KIAA0930: variants seen among roughly 807,000 people sequenced by gnomAD.
The protein encoded by KIAA0930 is uncharacterized protein KIAA0930.
A neutral mutation model predicts 43.9 loss-of-function variants in KIAA0930; 24 were observed. The observed-to-expected ratio is 0.55, with a 90% CI of 0.40 to 0.77. The LOEUF is 0.77. KIAA0930 is among the 30% of genes least tolerant of loss of function. The probability of loss-of-function intolerance (pLI) is 0.00; values close to 1 mark genes in which losing one functional copy is unlikely to be tolerated. For synonymous variants in KIAA0930, 259 were observed against 216.4 expected (o/e 1.20, Z -1.73); for missense variants, 461 against 574.2 (o/e 0.80, Z 2.02).
chr22:45,197,131 C>T lies in KIAA0930; in HGVS notation c.*45G>A, dbSNP rs1232238469. The T allele has an allele frequency of 1.1e-5, 16 of 1,503,654 alleles. No individual in the cohort carries two copies. Among genetic ancestry groups the T allele is most frequent in the East Asian group, 2.6e-5 (1 of 38,986 alleles). 93.1% of individuals were successfully genotyped at this position (1,503,654 alleles called of 1,614,324 possible). ...GACAGGTAGGCACTTGGCAGCACTC[C>T]GAGGGCTGGGCCCGGCCGGGGCTCT... On this transcript the variant is annotated 3_prime_UTR_variant, in exon 10 of 10. Coordinates refer to ENST00000336156, the MANE Select transcript of KIAA0930 (RefSeq NM_001009880.2).
In KIAA0930 at chr22:45,192,609, G is replaced by C. The variant is rs543856154; in HGVS notation, c.*4567C>G. On this transcript the variant is annotated 3_prime_UTR_variant, in exon 10 of 10. Coordinates refer to ENST00000336156, the MANE Select transcript of KIAA0930 (RefSeq NM_001009880.2). The stretch of plus-strand genomic sequence containing the variant: ...CCTAAACTGCCTGGCCTTCCAGAGC[G>C]GGGACTAAAGGGGCAGGGCGGGGAA... The C allele has an allele frequency of 6.6e-6, 1 of 152,226 alleles. No individual in the cohort carries two copies. The highest frequency in any genetic ancestry group is 2.4e-5 in the African/African-American group (1 of 41,454). The allele number at this position is 152,226 out of a possible 1,614,324, so 9.4% of individuals were successfully genotyped here.
intron 2 of KIAA0930, among the ~76,000 whole-genome samples, chr22:45,211,623 G>A (rs916359938): frequency 7.9e-5 from 12 of 152,174 alleles, no homozygotes; most frequent in Non-Finnish European, 1.3e-4. Flanking sequence ...TCTGGAGTCC[G>A]ACCTTTGCTC....
intron 2 of KIAA0930, chr22:45,211,458 C>G: frequency 5.0e-6 from 2 of 400,940 alleles, no homozygotes; most frequent in Non-Finnish European, 8.8e-6. Context: ...GAACACCCAC[C>G]CTGTCGAGTT....
At chr22:45,205,767 G>T in intron 3 of KIAA0930, 26 bp downstream of exon 3, 1 of 1,579,454 alleles carries the variant, frequency 6.3e-7, no homozygotes, top group Non-Finnish European at 8.7e-7. Flanking sequence ...GGGCCAATCC[G>T]CAGCCCCACC....
At chr22:45,211,364 C>G (rs916428495) in intron 2 of KIAA0930, 3 of 398,756 alleles carry the variant, frequency 7.5e-6, no homozygotes, top group Non-Finnish European at 1.3e-5. Context: ...TAGCTCCTCC[C>G]ACACTGCGAT....
At chr22:45,199,572 C>A (rs1235563111) in intron 8 of KIAA0930, among the ~76,000 whole-genome samples, 2 of 152,210 alleles carry the variant, frequency 1.3e-5, no homozygotes, top group African/African-American at 4.8e-5. Flanking sequence ...CTTAAGCAGG[C>A]TGAAAAGCCT....
chr22:45,237,356 A>G (rs1004978461), intron 1 of KIAA0930, among the ~76,000 whole-genome samples: 9 of 151,516 alleles, frequency 5.9e-5, no homozygotes, highest in African/African-American at 2.2e-4. Context: ...AGGGCCCAAC[A>G]CTCCCGCCCC....
Position 45,212,077 on chromosome 22 carries a change from C to T in KIAA0930, c.95G>A (p.Trp32Ter). 1 of 1,613,946 alleles carries T rather than the reference C, an allele frequency of 6.2e-7. No individual in the cohort carries two copies. ...GAAGTAGGTGGAGAACATCCAAGTCCAGAAGACGATGCGGTCATCCTTGAA... is the reference window on the plus strand; with the variant it reads ...GAAGTAGGTGGAGAACATCCAAGTCTAGAAGACGATGCGGTCATCCTTGAA... ...GCFKDDRIVF[W>*]TWMFSTYFME... Residue 32 changes from tryptophan to a stop codon, truncating the protein, a stop_gained, in exon 2 of 10, where the codon TGG (tryptophan) becomes TAG (stop). Transcript: ENST00000336156. LOFTEE classifies it high-confidence loss of function.
At chr22:45,235,248 C>G (rs960954375) in intron 1 of KIAA0930, 1 of 152,268 alleles carries the variant, frequency 6.6e-6, no homozygotes, top group Non-Finnish European at 1.5e-5. Flanking sequence ...AGCATTCTTA[C>G]CCAGGCCAGT....
At chr22:45,197,706 C>T (rs565839870) in intron 9 of KIAA0930, 84 bp downstream of exon 9, 64 of 1,458,372 alleles carry the variant, frequency 4.4e-5, no homozygotes, top group African/African-American at 2.5e-4. Context: ...GGGATGACTC[C>T]GGGTGGCTCA....
intron 1 of KIAA0930, among the ~76,000 whole-genome samples, chr22:45,215,698 A>G (rs1280704418): frequency 6.6e-6 from 1 of 152,244 alleles, no homozygotes; most frequent in Non-Finnish European, 1.5e-5. Context: ...CGGAACCCCA[A>G]GTTGTAGACA....
chr22:45,213,536 G>A, intron 1 of KIAA0930: 1 of 1,163,896 alleles, frequency 8.6e-7, no homozygotes, highest in East Asian at 6.6e-5. Context: ...TGAAATTCCT[G>A]CCGCGTTTTT....
chr22:45,197,756 G>A, intron 9 of KIAA0930, 34 bp downstream of exon 9: 1 of 1,609,754 alleles, frequency 6.2e-7, no homozygotes, highest in South Asian at 1.1e-5. Context: ...GCTGTGAGAA[G>A]GTGCGGCTGC....
At chr22:45,213,374 AAG>A (rs1472621716) in intron 1 of KIAA0930, 18 of 1,303,508 alleles carry the variant, frequency 1.4e-5, no homozygotes, top group Non-Finnish European at 1.7e-5. Flanking sequence ...GAGGGAGGAA[AAG>A]AGAAGGAGGC....
chr22:45,234,094 G>A (rs2147767642), intron 1 of KIAA0930, among the ~76,000 whole-genome samples: 1 of 152,330 alleles, frequency 6.6e-6, no homozygotes, highest in Middle Eastern at 3.4e-3. Context: ...TGAGACCCGG[G>A]GGCCTTGGCA....
In KIAA0930 at chr22:45,194,162, C is replaced by A. The variant is rs928270658; in HGVS notation, c.*3014G>T. 1.5e-5 allele frequency: 2 copies of A among 136,762 alleles called. No homozygotes were observed. The highest frequency in any genetic ancestry group is 5.5e-5 in the African/African-American group (2 of 36,048). 8.5% of individuals were successfully genotyped at this position (136,762 alleles called of 1,614,324 possible). ...TGATCTCGGCTCACTGCAACCTCTG[C>A]CTACTAGGTTCAAGTGATTCTCCTT... On this transcript the variant is annotated 3_prime_UTR_variant, in exon 10 of 10. Coordinates refer to ENST00000336156, the MANE Select transcript of KIAA0930 (RefSeq NM_001009880.2).
Position 45,195,165 on chromosome 22 carries a change from G to A in KIAA0930, c.*2011C>T, listed in dbSNP as rs1223513797. On this transcript the variant is annotated 3_prime_UTR_variant, in exon 10 of 10. Transcript: ENST00000336156. The stretch of plus-strand genomic sequence containing the variant: ...ATTTTTGCCATCTTACAGACGGGGA[G>A]CCCAGCTTGCTCTGAGCCATCCAGC... 4 of 152,222 alleles carry A rather than the reference G, an allele frequency of 2.6e-5. No homozygotes were observed. Among genetic ancestry groups the A allele is most frequent in the South Asian group, 4.1e-4 (2 of 4,830 alleles). 9.4% of individuals were successfully genotyped at this position (152,222 alleles called of 1,614,324 possible).
chr22:45,212,464 C>A, intron 1 of KIAA0930: 2 of 1,452,878 alleles, frequency 1.4e-6, no homozygotes, highest in Middle Eastern at 2.5e-4. Flanking sequence ...GGCTGGAAGC[C>A]GGGAAGGCTT....
At chr22:45,211,488 G>A (rs2083692723) in intron 2 of KIAA0930, 2 of 403,310 alleles carry the variant, frequency 5.0e-6, no homozygotes, top group South Asian at 1.2e-4. Context: ...TCACAAGGAG[G>A]CTAAGAAGAA....
Sources: allele counts gnomAD v4.1 joint callset (sites outside exome capture counted in the v4.1 genomes callset), GRCh38; gene constraint gnomAD v4.1.1; transcripts MANE v1.5; gene names NCBI Gene and HGNC (gene_info 2026-07-23, HGNC 2026-07-21).